EMC2: variants seen among roughly 807,000 people sequenced by gnomAD.
EMC2 encodes the protein TPR repeat protein 35.
Under a neutral mutation model 51.6 loss-of-function variants are expected in EMC2, and 37 were observed. That is an observed-to-expected ratio of 0.72 (90% CI 0.55 to 0.94). The LOEUF (loss-of-function observed/expected upper bound fraction) is 0.94, where lower values mean the gene tolerates loss of function less well. Ranked by LOEUF, EMC2 falls within the 40% of genes least tolerant of loss-of-function variation. The probability of loss-of-function intolerance (pLI) is 0.00; values close to 1 mark genes in which losing one functional copy is unlikely to be tolerated. For synonymous variants in EMC2, 131 were observed against 112.4 expected, an observed-to-expected ratio of 1.17 and a Z score of -1.04; for missense variants, 359 against 350.9, an observed-to-expected ratio of 1.02 and a Z score of -0.18.
chr8:108,474,581 A>C (rs772453056), intron 7 of EMC2: 1 of 151,718 alleles, frequency 6.6e-6, no homozygotes. Flanking sequence ...ACACACATAC[A>C]TATATATATG....
intron 4 of EMC2, among the ~76,000 whole-genome samples, chr8:108,453,449 T>C (rs1819079672): frequency 6.6e-6 from 1 of 152,164 alleles, no homozygotes; most frequent in African/African-American, 2.4e-5. Context: ...TTGTCAGATA[T>C]ATGTGCTGTG....
intron 4 of EMC2, among the ~76,000 whole-genome samples, chr8:108,455,564 C>T (rs1332743002): frequency 6.6e-6 from 1 of 152,146 alleles, no homozygotes; most frequent in East Asian, 1.9e-4. Flanking sequence ...GATGCTTGTT[C>T]TGTCTTCAAC....
chr8:108,466,513 G>A (rs1175738626), intron 5 of EMC2, among the ~76,000 whole-genome samples: 1 of 132,294 alleles, frequency 7.6e-6, no homozygotes, highest in Non-Finnish European at 1.5e-5. Flanking sequence ...ATTGCAGTGA[G>A]GCAATTATAG....
Position 108,469,813 on chromosome 8 carries a change from T to C in EMC2, c.364-13T>C. ...TCATAAGGGCCTAATCCTTTATTAA[T>C]GTCAACCCACAGGCTGCAAGAAAGC... On this transcript the variant is annotated splice_polypyrimidine_tract_variant and intron_variant, in intron 5 of 10. Transcript: ENST00000220853. 1.2e-6 allele frequency: 2 copies of C among 1,611,166 alleles called. No homozygotes were observed. The highest frequency in any genetic ancestry group is 1.7e-4 in the Middle Eastern group (1 of 6,054).
chr8:108,472,951 TACTC>T (rs1387092087), intron 7 of EMC2, among the ~76,000 whole-genome samples: 1 of 151,956 alleles, frequency 6.6e-6, no homozygotes, highest in Admixed American at 6.6e-5. Context: ...TGGGCTAAAG[TACTC>T]TTCCCACCTC....
In EMC2 at chr8:108,449,904, T is replaced by C; in HGVS notation, c.122T>C (p.Ile41Thr). Residue 41 changes from isoleucine (I) to threonine (T), a missense_variant, in exon 2 of 11, where the codon ATT (isoleucine) becomes ACT (threonine). Transcript: ENST00000220853. The part of the protein sequence containing the change: ...EQIVEVGEEL[I>T]NEYASKLGDD... ...ATTGTGGAAGTTGGAGAAGAATTAATTAATGAATATGCTTCTAAGCTGGGA... is the reference window on the plus strand; with the variant it reads ...ATTGTGGAAGTTGGAGAAGAATTAACTAATGAATATGCTTCTAAGCTGGGA... The C allele has an allele frequency of 6.3e-7, 1 of 1,579,574 alleles. No homozygotes were observed. Among genetic ancestry groups the C allele is most frequent in the Non-Finnish European group, 8.7e-7 (1 of 1,149,332 alleles).
chr8:108,467,668 A>G (rs535195724), intron 5 of EMC2, among the ~76,000 whole-genome samples: 4 of 152,174 alleles, frequency 2.6e-5, no homozygotes, highest in African/African-American at 9.6e-5. Flanking sequence ...CAGCCTCCCA[A>G]AGTGCTGAGA....
At chr8:108,465,974 AATG>A (rs748417037) in intron 5 of EMC2, among the ~76,000 whole-genome samples, 13 of 152,106 alleles carry the variant, frequency 8.5e-5, no homozygotes, top group Admixed American at 4.6e-4. Flanking sequence ...AATTGAAGAA[AATG>A]ATGATGATGT....
intron 5 of EMC2, among the ~76,000 whole-genome samples, chr8:108,460,884 TCTTTC>T (rs1215885703): frequency 6.6e-6 from 1 of 152,230 alleles, no homozygotes; most frequent in African/African-American, 2.4e-5. Context: ...TTCAGTCCCT[TCTTTC>T]CTTCTGTAAA....
intron 7 of EMC2, among the ~76,000 whole-genome samples, chr8:108,473,493 G>A (rs1358751363): frequency 6.6e-6 from 1 of 151,948 alleles, no homozygotes; most frequent in Non-Finnish European, 1.5e-5. Flanking sequence ...AAGCATTTTG[G>A]TTAAGGGATA....
intron 4 of EMC2, among the ~76,000 whole-genome samples, chr8:108,454,188 A>G (rs1372014937): frequency 6.6e-6 from 1 of 152,040 alleles, no homozygotes; most frequent in Non-Finnish European, 1.5e-5. Flanking sequence ...TCATTGGTAT[A>G]CTTAGACCAT....
intron 5 of EMC2, among the ~76,000 whole-genome samples, chr8:108,465,497 G>A (rs536494643): frequency 1.6e-3 from 244 of 152,152 alleles, no homozygotes; most frequent in Non-Finnish European, 2.8e-3. Flanking sequence ...TTATGTATTC[G>A]ATGCTCTTTG....
At chr8:108,472,851 C>T (rs953838404) in intron 7 of EMC2, among the ~76,000 whole-genome samples, 1 of 151,808 alleles carries the variant, frequency 6.6e-6, no homozygotes. Flanking sequence ...TATAATAGGT[C>T]GCAGGCAGCT....
chr8:108,459,979 G>A (rs907505748), intron 5 of EMC2, among the ~76,000 whole-genome samples: 9 of 152,162 alleles, frequency 5.9e-5, no homozygotes, highest in African/African-American at 1.9e-4. Flanking sequence ...TACTGTCTTA[G>A]TTCAACAATT....
At chr8:108,470,203 T>C in intron 7 of EMC2, 82 bp downstream of exon 7, 1 of 869,510 alleles carries the variant, frequency 1.2e-6, no homozygotes, top group East Asian at 2.5e-5. Context: ...TTCCAAAGGA[T>C]TGGTGAGAGG....
intron 9 of EMC2, 130 bp downstream of exon 9, chr8:108,477,022 AT>A (rs1283081950): frequency 1.1e-5 from 6 of 540,032 alleles, no homozygotes; most frequent in Non-Finnish European, 1.0e-5. Flanking sequence ...TCTGTAATTA[AT>A]TCTGAGCAAT....
chr8:108,453,674 A>C (rs190875751), intron 4 of EMC2, among the ~76,000 whole-genome samples: 2 of 152,182 alleles, frequency 1.3e-5, no homozygotes, highest in Admixed American at 1.3e-4. Flanking sequence ...TTAGTTTGTA[A>C]GAGTGCTTTC....
At chr8:108,462,102 C>T (rs771283228) in intron 5 of EMC2, among the ~76,000 whole-genome samples, 16 of 152,116 alleles carry the variant, frequency 1.1e-4, no homozygotes, top group East Asian at 1.9e-4. Context: ...CCAATGCGCC[C>T]GGCCAGGCAA....
intron 10 of EMC2, 48 bp from the exon 11 acceptor site, chr8:108,486,464 C>T (rs1206628502): frequency 2.7e-6 from 4 of 1,482,382 alleles, no homozygotes; most frequent in African/African-American, 1.5e-5. Flanking sequence ...TTTTAACCTG[C>T]CACTGAAATT....
Sources: gnomAD v4.1 joint callset for allele counts (sites outside exome capture counted in the v4.1 genomes callset) on GRCh38, gnomAD v4.1.1 for gene constraint, MANE v1.5 for transcripts, NCBI Gene and HGNC (gene_info 2026-07-23, HGNC 2026-07-21) for gene names.